CMTR2: variants seen among roughly 807,000 people sequenced by gnomAD.
CMTR2 encodes cap-specific mRNA (nucleoside-2'-O-)-methyltransferase 2.
A neutral mutation model predicts 49.8 loss-of-function variants in CMTR2; 40 were observed. The ratio of observed to expected loss-of-function variants is 0.80; its 90% CI spans 0.62 to 1.04. The LOEUF (loss-of-function observed/expected upper bound fraction) is 1.04, where lower values mean the gene tolerates loss of function less well. CMTR2 is among the 50% of genes least tolerant of loss of function. CMTR2 has a pLI of 0.00. For missense variants in CMTR2, 907 were observed against 897.2 expected, an observed-to-expected ratio of 1.01 and a Z score of -0.14; for synonymous variants, 326 against 315.8, an observed-to-expected ratio of 1.03 and a Z score of -0.34.
rs774794348 is a variant in CMTR2 at position 71,284,504 on chromosome 16, C to CA, written c.1416dup (p.Val473CysfsTer18). ...ATAGAACTCTGCCCAGGATGATATA[C>CA]ACCATGTTCTTCAGCCCAACTATTA... is the stretch of plus-strand genomic sequence containing the variant. On this transcript the variant is annotated frameshift_variant, in exon 3 of 3. Coordinates refer to ENST00000434935, the MANE Select transcript of CMTR2 (RefSeq NM_018348.6). LOFTEE classifies it high-confidence loss of function. 1 of 1,613,864 alleles carries CA rather than the reference C, an allele frequency of 6.2e-7. No individual in the cohort carries two copies. Among genetic ancestry groups the CA allele is most frequent in the South Asian group, 1.1e-5 (1 of 91,000 alleles).
At chr16:71,288,810 T>C (rs1206317257) in intron 2 of CMTR2, 68 bp downstream of exon 2, 2 of 152,212 alleles carry the variant, frequency 1.3e-5, no homozygotes, top group East Asian at 3.8e-4. Flanking sequence ...AAGTAGGCAG[T>C]TATGTAGCCC....
Position 71,283,447 on chromosome 16 carries a change from A to C in CMTR2, c.*161T>G. On this transcript the variant is annotated 3_prime_UTR_variant, in exon 3 of 3. Coordinates refer to ENST00000434935, the MANE Select transcript of CMTR2 (RefSeq NM_018348.6). ...CTATGCCTGTGGGTGTATATACCCT[A>C]GAGATCAGAATGGATGGTTTTCCAG... The C allele has an allele frequency of 5.4e-5, 43 of 789,328 alleles. No homozygotes were observed. The highest frequency in any genetic ancestry group is 7.3e-5 in the Non-Finnish European group (37 of 504,058). 48.9% of individuals were successfully genotyped at this position (789,328 alleles called of 1,614,324 possible). A position where few individuals can be genotyped will look rare whatever the true frequency, so the allele number is the denominator to read the frequency against.
chr16:71,285,949 G>GA lies in CMTR2; in HGVS notation c.-19-11dup. On this transcript the variant is annotated splice_polypyrimidine_tract_variant and intron_variant, in intron 2 of 2. Transcript: ENST00000434935. ...CAAATCAAATTAAAATCTAGGAAGA[G>GA]AAAACACATAATTAAATGAATCAAA... 6.6e-7 allele frequency: 1 copy of GA among 1,524,812 alleles called. No individual in the cohort carries two copies. The highest frequency in any genetic ancestry group is 8.8e-7 in the Non-Finnish European group (1 of 1,137,674). The allele number at this position is 1,524,812 out of a possible 1,614,324, so 94.5% of individuals were successfully genotyped here. A position where few individuals can be genotyped will look rare whatever the true frequency, so the allele number is the denominator to read the frequency against.
In CMTR2 at chr16:71,284,838, T is replaced by C. The variant is rs370475564; in HGVS notation, c.1083A>G (p.Glu361=). The C allele has an allele frequency of 6.2e-6, 10 of 1,613,946 alleles. No individual in the cohort carries two copies. Among genetic ancestry groups the C allele is most frequent in the Non-Finnish European group, 8.5e-6 (10 of 1,179,954 alleles). Residue 361 remains glutamate, a synonymous_variant, in exon 3 of 3, where the codon GAA becomes GAG. Transcript: ENST00000434935. ...VIPDSFLKRH[E]ECCVFFHKYQ... is the part of the protein sequence containing the mutation. The stretch of plus-strand genomic sequence containing the variant: ...ATTTATGAAAGAACACACAACATTC[T>C]TCATGTCTCTTAAGAAAAGAATCAG...
At chr16:71,287,272 T>C (rs2041743423) in intron 2 of CMTR2, 1 of 152,208 alleles carries the variant, frequency 6.6e-6, no homozygotes, top group South Asian at 2.1e-4. Flanking sequence ...TCAGATGATG[T>C]TTCTTTTAGC....
At position 71,285,570 on chromosome 16, in the gene CMTR2, C is replaced by G; in HGVS notation, c.351G>C (p.Lys117Asn). 6.2e-7 allele frequency: 1 copy of G among 1,614,020 alleles called. No homozygotes were observed. Among genetic ancestry groups the G allele is most frequent in the South Asian group, 1.1e-5 (1 of 91,018 alleles). Residue 117 changes from lysine (K) to asparagine (N), a missense_variant, in exon 3 of 3, where the codon AAG becomes AAC. Coordinates refer to ENST00000434935, the MANE Select transcript of CMTR2 (RefSeq NM_018348.6). ...GAAAGCTGCACAAAATCTCATGGAACTTACACCATGCTTGAGTACAAAGTT... is the reference window on the plus strand; with the variant it reads ...GAAAGCTGCACAAAATCTCATGGAAGTTACACCATGCTTGAGTACAAAGTT... Reference protein sequence around the residue: ...NAELCTQAWCKFHEILCSFPL... With the variant: ...NAELCTQAWCNFHEILCSFPL...
In CMTR2 at chr16:71,283,514, C is replaced by A; in HGVS notation, c.*94G>T. ...AATGATGCAAATGTTGGCCTTTCCC[C>A]AAAATAAAAGGTTTTTAAATTAATA... On this transcript the variant is annotated 3_prime_UTR_variant, in exon 3 of 3. Transcript: ENST00000434935. The A allele has an allele frequency of 7.0e-7, 1 of 1,422,762 alleles. No homozygotes were observed. The highest frequency in any genetic ancestry group is 9.4e-7 in the Non-Finnish European group (1 of 1,066,698). 88.1% of individuals were successfully genotyped at this position (1,422,762 alleles called of 1,614,324 possible).
In CMTR2 at chr16:71,284,633, T is replaced by C. The variant is rs2041681430; in HGVS notation, c.1288A>G (p.Asn430Asp). The stretch of plus-strand genomic sequence containing the variant: ...TTCCTCTGCCCAAACCATTTTGTAT[T>C]TGTACTACAACCAATACTAGATTTT... ...VKKSSIGCST[N>D]TKWFGQRNKY... Residue 430 changes from asparagine (N) to aspartate (D), a missense_variant, in exon 3 of 3, where the codon AAT becomes GAT. Asn to Asp is a conservative substitution (Grantham distance 23). Transcript: ENST00000434935. The C allele has an allele frequency of 4.3e-6, 7 of 1,613,020 alleles. No homozygotes were observed. In the South Asian group the frequency reaches 5.5e-5, roughly 13 times the overall value.
At position 71,283,898 on chromosome 16, in the gene CMTR2, T is replaced by C. The variant is rs751026064; in HGVS notation, c.2023A>G (p.Thr675Ala). 6.2e-7 allele frequency: 1 copy of C among 1,613,860 alleles called. No homozygotes were observed. The highest frequency in any genetic ancestry group is 1.3e-5 in the African/African-American group (1 of 74,912). Residue 675 changes from threonine to alanine, a missense_variant, in exon 3 of 3, where the codon ACA (threonine) becomes GCA (alanine). Transcript: ENST00000434935. ...CAGGTCCTCAGGGGATCAGAGGATGTGGGACAAACAAAAGTGATGAATCTA... is the reference window on the plus strand; with the variant it reads ...CAGGTCCTCAGGGGATCAGAGGATGCGGGACAAACAAAAGTGATGAATCTA... ...CFRFITFVCP[T>A]SSDPLRTCAV...
At position 71,284,055 on chromosome 16, in the gene CMTR2, G is replaced by GT. The variant is rs758088029; in HGVS notation, c.1865dup (p.Tyr622Ter). ...CSLLHDGDPTYQRLFLDCLLH... is the reference protein window; with the variant it reads ...CSLLHDGDPT ...GAAGGCAGTCCAAAAATAAACGCTG[G>GT]TAAGTTGGATCTCCATCATGAAGCA... is the stretch of plus-strand genomic sequence containing the variant. The change falls in exon 3 of 3, where the codon TAC (tyrosine) becomes TAAC (stop). Residue 622 changes from tyrosine (Y) to a stop codon, truncating the protein, a stop_gained and frameshift_variant. Transcript: ENST00000434935. LOFTEE classifies it high-confidence loss of function. 44 of 1,613,918 alleles carry GT rather than the reference G, an allele frequency of 2.7e-5. No individual in the cohort carries two copies. Among genetic ancestry groups the GT allele is most frequent in the Non-Finnish European group, 3.5e-5 (41 of 1,179,950 alleles).
chr16:71,286,745 G>C (rs1352362849), intron 2 of CMTR2: 2 of 151,866 alleles, frequency 1.3e-5, no homozygotes, highest in Admixed American at 1.3e-4. Flanking sequence ...TCAAACTATA[G>C]ATTCCTGGCT....
chr16:71,286,980 T>C (rs904598723), intron 2 of CMTR2: 1 of 152,140 alleles, frequency 6.6e-6, no homozygotes, highest in Non-Finnish European at 1.5e-5. Flanking sequence ...ATATGAGAAG[T>C]ATGGCTTAAT....
chr16:71,283,411 G>A lies in CMTR2; in HGVS notation c.*197C>T, dbSNP rs946512895. The A allele has an allele frequency of 2.3e-5, 14 of 610,788 alleles. No individual in the cohort carries two copies. The highest frequency in any genetic ancestry group is 4.4e-4 in the Middle Eastern group (1 of 2,268). The allele number at this position is 610,788 out of a possible 1,614,324, so 37.8% of individuals were successfully genotyped here. On this transcript the variant is annotated 3_prime_UTR_variant, in exon 3 of 3. Transcript: ENST00000434935. ...TCTATCATTGCATAGATTCCACCAC[G>A]TGGAAGAGCTCTATGCCTGTGGGTG...
At chr16:71,289,667 A>AGGGGGAGGGGGGGGGGGGGGGGGGGGGGG (rs1395441797), upstream of CMTR2, 1 of 20,916 alleles carries the variant, frequency 4.8e-5, no homozygotes, top group Non-Finnish European at 9.8e-5. Context: ...AGGGGGAGGG[A>AGGGGGAGGGGGGGGGGGGGGGGGGGGGGG]GGGAAGGGAC....
rs141839766 is a variant in CMTR2 at position 71,284,018 on chromosome 16, G to A, written c.1903C>T (p.Arg635Trp). 422 of 1,613,848 alleles carry A rather than the reference G, an allele frequency of 2.6e-4. 3 individuals are homozygous for A. The East Asian group carries it at 4.6e-3, about 18-fold the overall frequency. Reference sequence around the variant, plus strand: ...ATAACATCTCCTGTATGAAGCTCCCGCAATGAATGTAGAAGGCAGTCCAAA... The same window carrying A: ...ATAACATCTCCTGTATGAAGCTCCCACAATGAATGTAGAAGGCAGTCCAAA... Reference protein sequence around the residue: ...LFLDCLLHSLRELHTGDVMIL... With the variant: ...LFLDCLLHSLWELHTGDVMIL... The change falls in exon 3 of 3, where the codon CGG becomes TGG. Residue 635 changes from arginine to tryptophan, a missense_variant. Transcript: ENST00000434935.
Position 71,285,728 on chromosome 16 carries a change from C to G in CMTR2, c.193G>C (p.Asp65His). ...ACTTCATTTAGGGAGTTCTTCAAAT[C>G]AAGAAATGCATTAAGTTCAGTGTGG... Reference protein sequence around the residue: ...CDHTELNAFLDLKNSLNEVKN... With the variant: ...CDHTELNAFLHLKNSLNEVKN... Residue 65 changes from aspartate to histidine, a missense_variant, in exon 3 of 3, where the codon GAT becomes CAT. Coordinates refer to ENST00000434935, the MANE Select transcript of CMTR2 (RefSeq NM_018348.6). The G allele has an allele frequency of 6.2e-7, 1 of 1,613,366 alleles. No homozygotes were observed. The highest frequency in any genetic ancestry group is 8.5e-7 in the Non-Finnish European group (1 of 1,179,688).
rs2041625660 is a variant in CMTR2, at chr16:71,282,419, A to G, written c.*1189T>C. On this transcript the variant is annotated 3_prime_UTR_variant, in exon 3 of 3. Coordinates refer to ENST00000434935, the MANE Select transcript of CMTR2 (RefSeq NM_018348.6). ...CATCAGAAAATACATCTATTTTCACATATCAAAAGTGCCTAAAATGCATGT... is the reference window on the plus strand; with the variant it reads ...CATCAGAAAATACATCTATTTTCACGTATCAAAAGTGCCTAAAATGCATGT... 6.6e-6 allele frequency: 1 copy of G among 152,134 alleles called. No individual in the cohort carries two copies. The highest frequency in any genetic ancestry group is 2.4e-5 in the African/African-American group (1 of 41,454). The allele number at this position is 152,134 out of a possible 1,614,324, so 9.4% of individuals were successfully genotyped here.
Position 71,283,700 on chromosome 16 carries a change from C to T in CMTR2, c.2221G>A (p.Asp741Asn), listed in dbSNP as rs1275935566. 7 of 1,613,744 alleles carry T rather than the reference C, an allele frequency of 4.3e-6. No homozygotes were observed. The highest frequency in any genetic ancestry group is 2.2e-5 in the East Asian group (1 of 44,890). ...CTTTTAGCAATGGCAGCATTCAAAT[C>T]CCACAAAAAATCAAGCAGGGCCCCC... ...LKGALLDFLW[D>N]LNAAIAKRHL... Residue 741 changes from aspartate (D) to asparagine (N), a missense_variant, in exon 3 of 3, where the codon GAT becomes AAT. Coordinates refer to ENST00000434935, the MANE Select transcript of CMTR2 (RefSeq NM_018348.6).
At position 71,283,381 on chromosome 16, in the gene CMTR2, G is replaced by A. The variant is rs1308179894; in HGVS notation, c.*227C>T. On this transcript the variant is annotated 3_prime_UTR_variant, in exon 3 of 3. Transcript: ENST00000434935. ...TACACACACCTCATATTTAGAGTGT[G>A]AATATCTATCATTGCATAGATTCCA... The A allele has an allele frequency of 9.0e-6, 5 of 554,602 alleles. No individual in the cohort carries two copies. Among genetic ancestry groups the A allele is most frequent in the African/African-American group, 3.8e-5 (2 of 52,752 alleles). The allele number at this position is 554,602 out of a possible 1,614,324, so 34.4% of individuals were successfully genotyped here.
Sources: gnomAD v4.1 joint callset for allele counts on GRCh38, gnomAD v4.1.1 for gene constraint, MANE v1.5 for transcripts, NCBI Gene and HGNC (gene_info 2026-07-23, HGNC 2026-07-21) for gene names.